Variants in CTNNA3 observed in about 807,000 individuals in gnomAD.
The protein encoded by CTNNA3 is catenin alpha 3.
Under a neutral mutation model 95.7 loss-of-function variants are expected in CTNNA3, and 76 were observed. The observed-to-expected ratio is 0.79, with a 90% CI of 0.66 to 0.96. The LOEUF is 0.96. Ranked by LOEUF, CTNNA3 falls within the 40% of genes least tolerant of loss-of-function variation. The pLI is 0.00. For synonymous variants in CTNNA3, 431 were observed against 374.4 expected (o/e 1.15, Z -1.74); for missense variants, 1,191 against 1,089.8 (o/e 1.09, Z -1.31).
chr10:67,629,609 C>T (rs191939285), intron 2 of CTNNA3, among the ~76,000 whole-genome samples: 105 of 152,286 alleles, frequency 6.9e-4, no homozygotes, highest in Admixed American at 2.5e-3. Context: ...GCTAATGGGA[C>T]TTCCTTTGAA....
chr10:66,104,057 C>T (rs773092142), intron 13 of CTNNA3, among the ~76,000 whole-genome samples: 8 of 152,034 alleles, frequency 5.3e-5, no homozygotes, highest in Non-Finnish European at 8.8e-5. Flanking sequence ...CATCAAAATG[C>T]CACCAGAAAT....
intron 3 of CTNNA3, among the ~76,000 whole-genome samples, chr10:67,571,350 T>C (rs752977273): frequency 1.3e-5 from 2 of 152,184 alleles, no homozygotes; most frequent in East Asian, 1.9e-4. Context: ...TGTCATTTAA[T>C]ATATGTTACT....
At chr10:66,063,675 C>T (rs899149608) in intron 15 of CTNNA3, among the ~76,000 whole-genome samples, 1 of 151,784 alleles carries the variant, frequency 6.6e-6, no homozygotes, top group Admixed American at 6.6e-5. Context: ...ATTTATAATG[C>T]TATTGCTTTT....
intron 14 of CTNNA3, among the ~76,000 whole-genome samples, chr10:66,080,255 A>G (rs1042589685): frequency 1.3e-5 from 2 of 152,128 alleles, no homozygotes; most frequent in East Asian, 1.9e-4. Context: ...GTGATCTTGT[A>G]TAACTATTCC....
At chr10:67,075,170 G>GCGCACA (rs111391840) in intron 7 of CTNNA3, among the ~76,000 whole-genome samples, 1 of 149,640 alleles carries the variant, frequency 6.7e-6, no homozygotes, top group Admixed American at 6.7e-5. Context: ...AAGGATTTCT[G>GCGCACA]CACACACACA....
chr10:66,309,914 TAAATAAATAAATAAA>T (rs1163494065), intron 12 of CTNNA3, among the ~76,000 whole-genome samples: 1 of 62,306 alleles, frequency 1.6e-5, no homozygotes, highest in Non-Finnish European at 3.6e-5. Context: ...AAAAAATAAA[TAAATAAATAAATAAA>T]TAAATAAATA....
chr10:66,792,665 A>T (rs752618750), intron 7 of CTNNA3, among the ~76,000 whole-genome samples: 5 of 152,228 alleles, frequency 3.3e-5, no homozygotes, highest in African/African-American at 1.2e-4. Flanking sequence ...GCCAAGAATC[A>T]AAAGTCAATT....
chr10:67,159,093 G>A (rs926520753), intron 7 of CTNNA3, among the ~76,000 whole-genome samples: 4 of 152,192 alleles, frequency 2.6e-5, no homozygotes, highest in Admixed American at 6.5e-5. Flanking sequence ...CTTAAAAATC[G>A]ATGTTATTCA....
At chr10:67,711,276 G>C (rs898608012) in intron 1 of CTNNA3, among the ~76,000 whole-genome samples, 5 of 152,304 alleles carry the variant, frequency 3.3e-5, no homozygotes, top group African/African-American at 1.2e-4. Context: ...GGAAGCGACT[G>C]GAACTGGGTA....
intron 9 of CTNNA3, among the ~76,000 whole-genome samples, chr10:66,649,806 C>A (rs1845832236): frequency 6.6e-6 from 1 of 152,204 alleles, no homozygotes; most frequent in South Asian, 2.1e-4. Context: ...CAGAACCAGA[C>A]ATCACAGATG....
intron 7 of CTNNA3, among the ~76,000 whole-genome samples, chr10:67,168,401 C>T (rs1861873916): frequency 1.3e-5 from 2 of 152,050 alleles, no homozygotes; most frequent in South Asian, 2.1e-4. Context: ...ACTGGCAAAC[C>T]GAATCCAGCA....
At chr10:66,314,701 C>T (rs1229967188) in intron 12 of CTNNA3, among the ~76,000 whole-genome samples, 1 of 151,998 alleles carries the variant, frequency 6.6e-6, no homozygotes, top group Non-Finnish European at 1.5e-5. Flanking sequence ...TTCACAGGTA[C>T]TAACATTTCA....
chr10:67,017,456 C>T (rs567149327), intron 7 of CTNNA3, among the ~76,000 whole-genome samples: 2 of 152,246 alleles, frequency 1.3e-5, no homozygotes, highest in South Asian at 2.1e-4. Flanking sequence ...CTGTGAGCCA[C>T]GATTAGTCCT....
chr10:66,449,393 A>T (rs2093447281), intron 11 of CTNNA3, among the ~76,000 whole-genome samples: 1 of 152,148 alleles, frequency 6.6e-6, no homozygotes, highest in African/African-American at 2.4e-5. Context: ...CAAATACCAC[A>T]GGCACGGTGC....
At chr10:67,620,923 G>GTGTGTGTATATATATATATA in intron 2 of CTNNA3, among the ~76,000 whole-genome samples, 2 of 123,854 alleles carry the variant, frequency 1.6e-5, no homozygotes, top group South Asian at 5.1e-4. Flanking sequence ...GTGTGTGTGT[G>GTGTGTGTATATATATATATA]TATATATATA....
intron 1 of CTNNA3, among the ~76,000 whole-genome samples, chr10:67,704,964 G>A (rs550965172): frequency 2.9e-4 from 44 of 152,104 alleles, no homozygotes; most frequent in South Asian, 1.5e-3. Context: ...AAAAGTGGGC[G>A]AACGACATGA....
At chr10:67,355,863 G>A (rs79594499) in intron 5 of CTNNA3, among the ~76,000 whole-genome samples, 1,671 of 151,946 alleles carry the variant, frequency 0.011, 16 homozygotes, top group Non-Finnish European at 0.018. Context: ...ATAATTCATA[G>A]TGAAGAGGGA....
chr10:66,507,704 T>C (rs1840499504), intron 11 of CTNNA3, among the ~76,000 whole-genome samples: 1 of 147,934 alleles, frequency 6.8e-6, no homozygotes, highest in Non-Finnish European at 1.5e-5. Flanking sequence ...AACAATATTC[T>C]GTTGTGTATA....
chr10:66,243,742 G>C (rs1232996930), intron 13 of CTNNA3, among the ~76,000 whole-genome samples: 1 of 152,142 alleles, frequency 6.6e-6, no homozygotes, highest in African/African-American at 2.4e-5. Context: ...CCTTAACCTT[G>C]GCAAAATAAA....
Sources: allele counts gnomAD v4.1 joint callset (sites outside exome capture counted in the v4.1 genomes callset), GRCh38; gene constraint gnomAD v4.1.1; transcripts MANE v1.5; gene names NCBI Gene and HGNC (gene_info 2026-07-23, HGNC 2026-07-21).